The following CFLAR variants were observed in gnomAD, a reference collection of about 807,000 sequenced individuals.
CFLAR encodes the protein CASP8 and FADD-like apoptosis regulator.
Under a neutral mutation model 51.1 loss-of-function variants are expected in CFLAR, and 14 were observed. That is an observed-to-expected ratio of 0.27 (90% CI 0.18 to 0.43). CFLAR has a LOEUF of 0.43. Ranked by LOEUF, CFLAR falls within the 20% of genes least tolerant of loss-of-function variation. CFLAR has a pLI of 1.00. For synonymous variants in CFLAR, 210 were observed against 211.6 expected (o/e 0.99, Z 0.06); for missense variants, 390 against 566.5 (o/e 0.69, Z 3.16).
At chr2:201,142,824 C>G (rs1939250447) in intron 5 of CFLAR, 1 of 152,272 alleles carries the variant, frequency 6.6e-6, no homozygotes, top group Non-Finnish European at 1.5e-5. Flanking sequence ...GTCTTGAACT[C>G]CCGACCTCAG....
chr2:201,141,550 CTT>C lies in CFLAR; in HGVS notation c.606+1114_606+1115del, dbSNP rs1434557531. On this transcript the variant is annotated intron_variant, in intron 5 of 9. Coordinates refer to ENST00000309955, the MANE Select transcript of CFLAR (RefSeq NM_003879.7). ...GCTGTATGTTTAGATGCTTTCCAAT[CTT>C]TTGTTACTACTAATAATGCTATAAA... The C allele has an allele frequency of 3.2e-4, 418 of 1,308,348 alleles. 2 individuals are homozygous for C. Among genetic ancestry groups the C allele is most frequent in the Non-Finnish European group, 4.9e-5 (50 of 1,023,554 alleles). The allele number at this position is 1,308,348 out of a possible 1,614,324, so 81.0% of individuals were successfully genotyped here. A position where few individuals can be genotyped will look rare whatever the true frequency, so the allele number is the denominator to read the frequency against.
chr2:201,123,152 C>T (rs1294088610), intron 1 of CFLAR, among the ~76,000 whole-genome samples: 1 of 152,138 alleles, frequency 6.6e-6, no homozygotes, highest in Non-Finnish European at 1.5e-5. Flanking sequence ...GATTTATGAT[C>T]TTTTGATTTA....
At chr2:201,158,452 G>A (rs1358341880) in intron 8 of CFLAR, among the ~76,000 whole-genome samples, 5 of 152,200 alleles carry the variant, frequency 3.3e-5, no homozygotes, top group Admixed American at 2.0e-4. Context: ...GAGGTTTTGA[G>A]GGAAGTGAAC....
At position 201,160,429 on chromosome 2, in the gene CFLAR, C is replaced by T; in HGVS notation, c.794-3C>T. ...TTCCGTGTTTGTTTTTTGTTTTCCC[C>T]AGAGCTTCTTCGAGACACCTTCACT... On this transcript the variant is annotated splice_region_variant and splice_polypyrimidine_tract_variant and intron_variant, in intron 8 of 9. Transcript: ENST00000309955. 1.2e-6 allele frequency: 2 copies of T among 1,608,842 alleles called. No individual in the cohort carries two copies. Among genetic ancestry groups the T allele is most frequent in the African/African-American group, 2.7e-5 (2 of 74,774 alleles).
rs1326752805 is a variant in CFLAR at position 201,164,856 on chromosome 2, G to C, written c.*883G>C. 1 of 152,198 alleles carries C rather than the reference G, an allele frequency of 6.6e-6. No homozygotes were observed. Among genetic ancestry groups the C allele is most frequent in the Non-Finnish European group, 1.5e-5 (1 of 68,040 alleles). The allele number at this position is 152,198 out of a possible 1,614,324, so 9.4% of individuals were successfully genotyped here. ...TGGGAAATCCAACATCTAAGTGGTA[G>C]CATATCTGGTGTCTGGTAAGGCATG... On this transcript the variant is annotated 3_prime_UTR_variant, in exon 10 of 10. Coordinates refer to ENST00000309955, the MANE Select transcript of CFLAR (RefSeq NM_003879.7).
intron 1 of CFLAR, among the ~76,000 whole-genome samples, chr2:201,120,198 T>C (rs981766124): frequency 3.3e-5 from 5 of 151,352 alleles, no homozygotes; most frequent in African/African-American, 1.2e-4. Flanking sequence ...ATTTTTTTTT[T>C]TTTTTGAGAC....
intron 1 of CFLAR, among the ~76,000 whole-genome samples, chr2:201,125,570 G>C (rs1268489427): frequency 1.3e-5 from 2 of 152,056 alleles, no homozygotes; most frequent in African/African-American, 2.4e-5. Flanking sequence ...GGAGGGACCA[G>C]CTGGGGCAGT....
chr2:201,158,747 A>G (rs1484256608), intron 8 of CFLAR, among the ~76,000 whole-genome samples: 2 of 152,100 alleles, frequency 1.3e-5, no homozygotes, highest in African/African-American at 4.8e-5. Context: ...GGGTATACAC[A>G]TTTAAAATTT....
chr2:201,143,866 G>A (rs1351126353), intron 5 of CFLAR, among the ~76,000 whole-genome samples: 2 of 152,030 alleles, frequency 1.3e-5, no homozygotes, highest in African/African-American at 4.8e-5. Context: ...GGAGGCCGAG[G>A]CAGGAGAATC....
intron 2 of CFLAR, among the ~76,000 whole-genome samples, chr2:201,132,307 G>C (rs1375191558): frequency 6.6e-6 from 1 of 152,066 alleles, no homozygotes; most frequent in Non-Finnish European, 1.5e-5. Context: ...GAATCTGAGA[G>C]CCTAACTGGG....
At chr2:201,133,201 A>G in intron 3 of CFLAR, 67 bp downstream of exon 3, 1 of 1,197,230 alleles carries the variant, frequency 8.4e-7, no homozygotes, top group Non-Finnish European at 1.2e-6. Flanking sequence ...TCTTGTTGAT[A>G]CAGAGAGAGG....
chr2:201,145,573 C>A, intron 6 of CFLAR, 141 bp downstream of exon 6: 2 of 615,166 alleles, frequency 3.3e-6, no homozygotes, highest in Non-Finnish European at 5.8e-6. Context: ...TAAACTCTTA[C>A]GATAGACTCA....
At chr2:201,150,596 T>A (rs1941122130) in intron 8 of CFLAR, 1 of 152,138 alleles carries the variant, frequency 6.6e-6, no homozygotes, top group Non-Finnish European at 1.5e-5. Context: ...GGAGCTTTGT[T>A]CATGTGGCTA....
At chr2:201,161,077 T>C in intron 9 of CFLAR, 135 bp downstream of exon 9, 1 of 639,826 alleles carries the variant, frequency 1.6e-6, no homozygotes, top group Non-Finnish European at 2.7e-6. Flanking sequence ...GCATTGGGCT[T>C]GCCCTAGGAC....
At position 201,138,746 on chromosome 2, in the gene CFLAR, C is replaced by T. The variant is rs1191816474; in HGVS notation, c.524-1611C>T. 11 of 775,918 alleles carry T rather than the reference C, an allele frequency of 1.4e-5. No individual in the cohort carries two copies. The highest frequency in any genetic ancestry group is 9.4e-6 in the Non-Finnish European group (4 of 425,500). 48.1% of individuals were successfully genotyped at this position (775,918 alleles called of 1,614,324 possible). On this transcript the variant is annotated intron_variant, in intron 4 of 9. Transcript: ENST00000309955. The surrounding 1 kb of genome is among the most constrained non-coding windows in gnomAD (Gnocchi z 4.0). Reference sequence around the variant, plus strand: ...CCGGTTCAAACTTCTTGACCTTCTGCACCTCACTGGCCTGGAACTCTGGGG... The same window carrying T: ...CCGGTTCAAACTTCTTGACCTTCTGTACCTCACTGGCCTGGAACTCTGGGG...
In CFLAR at chr2:201,163,240, GTTTAT is replaced by G. The variant is rs1326696727; in HGVS notation, c.1305-593_1305-589del. ...TTTGTTATATAAACATTTTTTTAAT[GTTTAT>G]TGGCAAGAATACTTTTCTAAGAGAA... On this transcript the variant is annotated intron_variant, in intron 9 of 9. Transcript: ENST00000309955. 25 of 1,303,538 alleles carry G rather than the reference GTTTAT, an allele frequency of 1.9e-5. No individual in the cohort carries two copies. The South Asian group carries it at 4.0e-4, about 21-fold the overall frequency. The allele number at this position is 1,303,538 out of a possible 1,614,324, so 80.7% of individuals were successfully genotyped here.
chr2:201,146,443 A>G (rs1262224086), intron 6 of CFLAR: 2 of 152,142 alleles, frequency 1.3e-5, no homozygotes, highest in Non-Finnish European at 2.9e-5. Context: ...CATGGCGCCC[A>G]GCCTAATTTT....
Position 201,140,420 on chromosome 2 carries a change from A to T in CFLAR, c.587A>T (p.Asp196Val). Reference protein sequence around the residue: ...LQAAIQKSLKDPSNNFRLHNG... With the variant: ...LQAAIQKSLKVPSNNFRLHNG... ...GCAGCAATCCAAAAGAGTCTCAAGG[A>T]TCCTTCAAATAACTTCAGGGTGAGT... Residue 196 changes from aspartate to valine, a missense_variant, in exon 5 of 10, where the codon GAT (aspartate) becomes GTT (valine). This residue lies in a region of CFLAR where 287 missense variants were observed against 363.6 expected (regional missense o/e 0.79). Coordinates refer to ENST00000309955, the MANE Select transcript of CFLAR (RefSeq NM_003879.7). 6.2e-7 allele frequency: 1 copy of T among 1,606,862 alleles called. No homozygotes were observed. The highest frequency in any genetic ancestry group is 8.5e-7 in the Non-Finnish European group (1 of 1,178,162).
chr2:201,153,205 C>A (rs1206068836), intron 8 of CFLAR: 1 of 152,170 alleles, frequency 6.6e-6, no homozygotes, highest in Admixed American at 6.5e-5. Flanking sequence ...ACTTATAAAC[C>A]CCCCTGGGCT....
Sources: gnomAD v4.1 joint callset for allele counts (sites outside exome capture counted in the v4.1 genomes callset) on GRCh38, gnomAD v4.1.1 for gene constraint, gnomAD v4.1.1 regional missense constraint, Gnocchi (gnomAD v3.1) non-coding constraint, MANE v1.5 for transcripts, NCBI Gene and HGNC (gene_info 2026-07-23, HGNC 2026-07-21) for gene names.